The following IGF2BP3 variants were observed in gnomAD, a reference collection of about 807,000 sequenced individuals.
IGF2BP3 encodes insulin-like growth factor 2 mRNA-binding protein 3.
Under a neutral mutation model 73.8 loss-of-function variants are expected in IGF2BP3, and 9 were observed. The observed-to-expected ratio is 0.12, with a 90% CI of 0.07 to 0.21. IGF2BP3 has a LOEUF of 0.21. Ranked by LOEUF, IGF2BP3 falls within the 10% of genes least tolerant of loss-of-function variation. IGF2BP3 has a pLI of 1.00. For synonymous variants in IGF2BP3, 258 were observed against 256.7 expected, an observed-to-expected ratio of 1.01 and a Z score of -0.05; for missense variants, 542 against 714.0, an observed-to-expected ratio of 0.76 and a Z score of 2.75.
At chr7:23,404,446 GA>G (rs1357017329) in intron 3 of IGF2BP3, among the ~76,000 whole-genome samples, 1 of 151,740 alleles carries the variant, frequency 6.6e-6, no homozygotes, top group Non-Finnish European at 1.5e-5. Context: ...CACAAAACAA[GA>G]AAAAAAATCC....
chr7:23,445,496 T>G (rs926183612), intron 2 of IGF2BP3, among the ~76,000 whole-genome samples: 1 of 151,600 alleles, frequency 6.6e-6, no homozygotes, highest in African/African-American at 2.4e-5. Flanking sequence ...CACTATAGAG[T>G]ATTACTTAGT....
chr7:23,433,459 GA>G (rs1163776586), intron 2 of IGF2BP3, among the ~76,000 whole-genome samples: 2 of 151,520 alleles, frequency 1.3e-5, no homozygotes. Context: ...TTACATTTTA[GA>G]TATATTAGGT....
At chr7:23,417,059 AAAAC>A (rs757029053) in intron 3 of IGF2BP3, among the ~76,000 whole-genome samples, 86 of 152,326 alleles carry the variant, frequency 5.6e-4, no homozygotes, top group South Asian at 1.9e-3. Context: ...TCCATCTCAA[AAAAC>A]AAACAAACAA....
At chr7:23,314,826 C>G (rs2128491387) in intron 12 of IGF2BP3, among the ~76,000 whole-genome samples, 1 of 152,284 alleles carries the variant, frequency 6.6e-6, no homozygotes, top group African/African-American at 2.4e-5. Context: ...GAGACAGAGT[C>G]TCACCCTGTC....
At chr7:23,384,288 T>G in intron 3 of IGF2BP3, among the ~76,000 whole-genome samples, 1 of 150,572 alleles carries the variant, frequency 6.6e-6, no homozygotes, top group African/African-American at 2.5e-5. Flanking sequence ...TGGGGTGGGG[T>G]GATAGGGGTT....
At chr7:23,429,211 A>G (rs1041194104) in intron 2 of IGF2BP3, among the ~76,000 whole-genome samples, 1 of 152,052 alleles carries the variant, frequency 6.6e-6, no homozygotes, top group Non-Finnish European at 1.5e-5. Context: ...ATTATTTCCA[A>G]CTCAGATTTT....
intron 3 of IGF2BP3, among the ~76,000 whole-genome samples, chr7:23,408,983 G>GC (rs1786933537): frequency 6.6e-6 from 1 of 151,986 alleles, no homozygotes; most frequent in Non-Finnish European, 1.5e-5. Context: ...GGATGGGGGG[G>GC]ATGGCTTCAG....
intron 3 of IGF2BP3, among the ~76,000 whole-genome samples, chr7:23,407,616 A>AG (rs1203043337): frequency 4.4e-4 from 67 of 152,072 alleles, no homozygotes; most frequent in African/African-American, 1.6e-3. Context: ...CTCCAAAAAA[A>AG]AAAAAAAAAA....
At chr7:23,360,402 G>A (rs1038257013) in intron 5 of IGF2BP3, among the ~76,000 whole-genome samples, 3 of 152,124 alleles carry the variant, frequency 2.0e-5, no homozygotes, top group East Asian at 1.9e-4. Flanking sequence ...AAATGTTATG[G>A]TATCATTTGT....
chr7:23,402,782 T>C (rs1786708144), intron 3 of IGF2BP3: 1 of 152,154 alleles, frequency 6.6e-6, no homozygotes, highest in Non-Finnish European at 1.5e-5. Flanking sequence ...TCATTGTGTT[T>C]TACAAAAAAG....
rs1784069467 is a variant in IGF2BP3, at chr7:23,319,153, A to G, written c.1305T>C (p.Ala435=). 1 of 1,612,540 alleles carries G rather than the reference A, an allele frequency of 6.2e-7. No individual in the cohort carries two copies. Among genetic ancestry groups the G allele is most frequent in the Non-Finnish European group, 8.5e-7 (1 of 1,178,726 alleles). ...AGAACAGTACCTTAATTGAAGCTCC[A>G]GCAAAGCGAGAAAGCTGCTTGATGT... The part of the protein sequence containing the change: ...GQHIKQLSRF[A]GASIKIAPAE... The change falls in exon 11 of 15, where the codon GCT becomes GCC. Residue 435 remains alanine (A), a synonymous_variant. Transcript: ENST00000258729.
At chr7:23,464,440 G>A (rs1211353139) in intron 2 of IGF2BP3, among the ~76,000 whole-genome samples, 1 of 151,902 alleles carries the variant, frequency 6.6e-6, no homozygotes, top group Non-Finnish European at 1.5e-5. Context: ...TCATAGTGTT[G>A]GGCAACTATC....
At chr7:23,389,008 C>G (rs1008772122) in intron 3 of IGF2BP3, among the ~76,000 whole-genome samples, 2 of 152,120 alleles carry the variant, frequency 1.3e-5, no homozygotes, top group Non-Finnish European at 2.9e-5. Flanking sequence ...AATGGTTTCA[C>G]ATGTGTATAT....
chr7:23,326,280 A>G (rs917620893), intron 10 of IGF2BP3, among the ~76,000 whole-genome samples: 7 of 152,244 alleles, frequency 4.6e-5, no homozygotes, highest in African/African-American at 1.7e-4. Context: ...ACTTCTCAAA[A>G]GAAGACATTT....
intron 2 of IGF2BP3, among the ~76,000 whole-genome samples, chr7:23,423,449 T>C (rs960445209): frequency 2.0e-5 from 3 of 152,238 alleles, no homozygotes; most frequent in Non-Finnish European, 4.4e-5. Flanking sequence ...TTCTATCATA[T>C]TAATTACCAA....
intron 3 of IGF2BP3, among the ~76,000 whole-genome samples, chr7:23,365,398 A>G (rs1785344270): frequency 6.6e-6 from 1 of 152,220 alleles, no homozygotes; most frequent in Admixed American, 6.5e-5. Flanking sequence ...TATTACTCTT[A>G]GAGATAACAC....
intron 2 of IGF2BP3, among the ~76,000 whole-genome samples, chr7:23,433,626 C>G (rs1040870151): frequency 6.6e-6 from 1 of 151,970 alleles, no homozygotes; most frequent in African/African-American, 2.4e-5. Flanking sequence ...GATACAGGCA[C>G]ACATCACCAC....
intron 11 of IGF2BP3, chr7:23,317,960 A>G: frequency 1.9e-6 from 1 of 523,430 alleles, no homozygotes; most frequent in South Asian, 2.7e-5. Flanking sequence ...GCTAATCCTC[A>G]CCACGTCCTG....
chr7:23,338,022 A>T (rs777134785), intron 10 of IGF2BP3, among the ~76,000 whole-genome samples: 2 of 151,268 alleles, frequency 1.3e-5, no homozygotes, highest in African/African-American at 4.9e-5. Context: ...AATTTAAGCC[A>T]TTTTTTTTTC....
Sources: gnomAD v4.1 joint callset for allele counts (sites outside exome capture counted in the v4.1 genomes callset) on GRCh38, gnomAD v4.1.1 for gene constraint, MANE v1.5 for transcripts, NCBI Gene and HGNC (gene_info 2026-07-23, HGNC 2026-07-21) for gene names.